The following TMEM106B variants were observed in gnomAD, a reference collection of about 807,000 sequenced individuals.
TMEM106B encodes the protein transmembrane protein 106B.
Under a neutral mutation model 31.1 loss-of-function variants are expected in TMEM106B, and 15 were observed. The ratio of observed to expected loss-of-function variants is 0.48; its 90% confidence interval spans 0.32 to 0.74. The LOEUF is 0.74. Among genes scored for constraint, TMEM106B ranks in the 30% least tolerant of loss-of-function variants. TMEM106B has a pLI of 0.03. For missense variants in TMEM106B, 283 were observed against 327.3 expected, an observed-to-expected ratio of 0.86 and a Z score of 1.04; for synonymous variants, 126 against 112.5, an observed-to-expected ratio of 1.12 and a Z score of -0.76.
chr7:12,228,615 A>G (rs186831968), intron 4 of TMEM106B, among the ~76,000 whole-genome samples: 23 of 151,994 alleles, frequency 1.5e-4, no homozygotes, highest in Admixed American at 3.9e-4. Flanking sequence ...TTTCTGTGGA[A>G]TCGGTGCTCA....
chr7:12,235,793 A>T lies in TMEM106B; in HGVS notation c.*3818A>T, dbSNP rs978039861. On this transcript the variant is annotated 3_prime_UTR_variant, in exon 8 of 8. Coordinates refer to ENST00000396668, the MANE Select transcript of TMEM106B (RefSeq NM_001134232.2). ...TAAATTTTTAAATTTACAAATACAT[A>T]TGGGTCTTTGATAAGCAATAGGAAT... is the stretch of plus-strand genomic sequence containing the variant. 6.6e-6 allele frequency: 1 copy of T among 151,842 alleles called. No homozygotes were observed. Among genetic ancestry groups the T allele is most frequent in the Non-Finnish European group, 1.5e-5 (1 of 67,820 alleles). 9.4% of individuals were successfully genotyped at this position (151,842 alleles called of 1,614,324 possible). A position where few individuals can be genotyped will look rare whatever the true frequency, so the allele number is the denominator to read the frequency against.
At chr7:12,215,125 C>T in intron 2 of TMEM106B, 98 bp downstream of exon 2, 1 of 949,786 alleles carries the variant, frequency 1.1e-6, no homozygotes, top group Non-Finnish European at 1.6e-6. Flanking sequence ...TTTTAGAGGA[C>T]TCTTAGAATT....
At chr7:12,229,646 A>T in intron 4 of TMEM106B, 33 bp from the exon 5 acceptor site, 1 of 1,501,962 alleles carries the variant, frequency 6.7e-7, no homozygotes, top group Non-Finnish European at 9.0e-7. Context: ...ATTTTTAGCT[A>T]ACTTGTAAAT....
rs1327994715 is a variant in TMEM106B, at chr7:12,234,462, C to G, written c.*2487C>G. Reference sequence around the variant, plus strand: ...AGTAACTGTCAGAATAAGCCTGGAACAAAACAGGCTGTAAATTAATAAAAC... The same window carrying G: ...AGTAACTGTCAGAATAAGCCTGGAAGAAAACAGGCTGTAAATTAATAAAAC... On this transcript the variant is annotated 3_prime_UTR_variant, in exon 8 of 8. Transcript: ENST00000396668. 1 of 151,766 alleles carries G rather than the reference C, an allele frequency of 6.6e-6. No individual in the cohort carries two copies. The highest frequency in any genetic ancestry group is 6.6e-5 in the Admixed American group (1 of 15,210). 9.4% of individuals were successfully genotyped at this position (151,766 alleles called of 1,614,324 possible). A position where few individuals can be genotyped will look rare whatever the true frequency, so the allele number is the denominator to read the frequency against.
chr7:12,219,269 C>A (rs913295395), intron 3 of TMEM106B, among the ~76,000 whole-genome samples: 2 of 152,112 alleles, frequency 1.3e-5, no homozygotes, highest in African/African-American at 4.8e-5. Flanking sequence ...GGGAGATCAT[C>A]TCAAAACTGT....
rs1239962744 is a variant in TMEM106B at position 12,238,860 on chromosome 7, C to T, written c.*6885C>T. ...TCCAGACTGTTCCATTTATTGAACACAGGCAGAGTAGGTAAAAGTTTTAAG... is the reference window on the plus strand; with the variant it reads ...TCCAGACTGTTCCATTTATTGAACATAGGCAGAGTAGGTAAAAGTTTTAAG... On this transcript the variant is annotated 3_prime_UTR_variant, in exon 8 of 8. Coordinates refer to ENST00000396668, the MANE Select transcript of TMEM106B (RefSeq NM_001134232.2). 1 of 152,042 alleles carries T rather than the reference C, an allele frequency of 6.6e-6. No individual in the cohort carries two copies. Among genetic ancestry groups the T allele is most frequent in the Non-Finnish European group, 1.5e-5 (1 of 68,000 alleles). 9.4% of individuals were successfully genotyped at this position (152,042 alleles called of 1,614,324 possible).
Position 12,237,915 on chromosome 7 carries a change from G to A in TMEM106B, c.*5940G>A, listed in dbSNP as rs141201831. The A allele has an allele frequency of 2.1e-3, 326 of 151,902 alleles. No individual in the cohort carries two copies. Among genetic ancestry groups the A allele is most frequent in the Middle Eastern group, 6.7e-3 (2 of 298 alleles). The allele number at this position is 151,902 out of a possible 1,614,324, so 9.4% of individuals were successfully genotyped here. On this transcript the variant is annotated 3_prime_UTR_variant, in exon 8 of 8. Transcript: ENST00000396668. ...TTCAGAAGTTTATACTCCTTTTGCCGGCACAGGATCTTGTCTGGATGTTGT... is the reference window on the plus strand; with the variant it reads ...TTCAGAAGTTTATACTCCTTTTGCCAGCACAGGATCTTGTCTGGATGTTGT...
At chr7:12,230,077 G>A (rs368646552) in intron 5 of TMEM106B, among the ~76,000 whole-genome samples, 2 of 152,004 alleles carry the variant, frequency 1.3e-5, no homozygotes, top group Non-Finnish European at 2.9e-5. Context: ...AATGTGCTGA[G>A]TGTGGTAGTG....
Position 12,238,672 on chromosome 7 carries a change from A to G in TMEM106B, c.*6697A>G, listed in dbSNP as rs1192136682. 6.6e-6 allele frequency: 1 copy of G among 152,208 alleles called. No homozygotes were observed. The highest frequency in any genetic ancestry group is 1.5e-5 in the Non-Finnish European group (1 of 68,028). The allele number at this position is 152,208 out of a possible 1,614,324, so 9.4% of individuals were successfully genotyped here. ...CAGAATGCACGTTGTGTTAAGAGGC[A>G]TGAAAACAACATTAATCTATTTGTA... On this transcript the variant is annotated 3_prime_UTR_variant, in exon 8 of 8. Coordinates refer to ENST00000396668, the MANE Select transcript of TMEM106B (RefSeq NM_001134232.2).
intron 2 of TMEM106B, among the ~76,000 whole-genome samples, chr7:12,216,740 A>C (rs998079479): frequency 6.6e-6 from 1 of 152,188 alleles, no homozygotes; most frequent in Non-Finnish European, 1.5e-5. Flanking sequence ...ATCATGGAAG[A>C]TAAGTGAAGA....
chr7:12,217,098 A>G (rs916823617), intron 2 of TMEM106B, among the ~76,000 whole-genome samples: 10 of 152,176 alleles, frequency 6.6e-5, no homozygotes, highest in African/African-American at 9.7e-5. Context: ...CTGTAGAGAA[A>G]ACATTGGTAA....
rs746684883 is a variant in TMEM106B, at chr7:12,231,123, C to T, written c.686+8C>T. On this transcript the variant is annotated splice_region_variant and intron_variant, in intron 7 of 7. Coordinates refer to ENST00000396668, the MANE Select transcript of TMEM106B (RefSeq NM_001134232.2). ...CATAGTACTCATGATGCAGTAAGTA[C>T]AAATCTTTTTTGAAAGAGATTTTGC... 1.9e-5 allele frequency: 31 copies of T among 1,591,126 alleles called. No individual in the cohort carries two copies. The highest frequency in any genetic ancestry group is 2.6e-5 in the Non-Finnish European group (30 of 1,166,030).
chr7:12,225,083 G>A (rs11983898), intron 4 of TMEM106B, among the ~76,000 whole-genome samples: 34,901 of 151,860 alleles, frequency 0.23, 4,116 homozygotes, highest in South Asian at 0.4. Flanking sequence ...TATTCTCATT[G>A]TTCAATTCCC....
Position 12,234,161 on chromosome 7 carries a change from A to AAAATT in TMEM106B, c.*2188_*2192dup, listed in dbSNP as rs1372984987. ...TCTTGCTTGTGTCTTTTAACCTTGG[A>AAAATT]AAATTACATCGTGTAAATTAAACAG... On this transcript the variant is annotated 3_prime_UTR_variant, in exon 8 of 8. Coordinates refer to ENST00000396668, the MANE Select transcript of TMEM106B (RefSeq NM_001134232.2). The AAAATT allele has an allele frequency of 6.6e-6, 1 of 151,844 alleles. No individual in the cohort carries two copies. The highest frequency in any genetic ancestry group is 1.5e-5 in the Non-Finnish European group (1 of 67,768). 9.4% of individuals were successfully genotyped at this position (151,844 alleles called of 1,614,324 possible). A position where few individuals can be genotyped will look rare whatever the true frequency, so the allele number is the denominator to read the frequency against.
Position 12,218,530 on chromosome 7 carries a change from TTC to T in TMEM106B, c.281+11_281+12del, listed in dbSNP as rs1256326480. ...TTAAGGCCAAGAAGAACGTAAGTGA[TTC>T]TAAGAATATGGCAGTGTTTTATGTT... On this transcript the variant is annotated intron_variant, in intron 3 of 7. Transcript: ENST00000396668. The T allele has an allele frequency of 6.2e-7, 1 of 1,605,710 alleles. No individual in the cohort carries two copies. The highest frequency in any genetic ancestry group is 1.7e-5 in the Admixed American group (1 of 59,242).
At chr7:12,221,806 G>A (rs1431701688) in intron 3 of TMEM106B, among the ~76,000 whole-genome samples, 1 of 152,168 alleles carries the variant, frequency 6.6e-6, no homozygotes, top group Non-Finnish European at 1.5e-5. Context: ...AGTACCAGAA[G>A]GTAGAGAGCT....
intron 3 of TMEM106B, among the ~76,000 whole-genome samples, chr7:12,220,960 C>T (rs1781773785): frequency 6.6e-6 from 1 of 151,886 alleles, no homozygotes; most frequent in Admixed American, 6.6e-5. Context: ...TTGAAAACAC[C>T]ACACACTCAA....
intron 4 of TMEM106B, among the ~76,000 whole-genome samples, chr7:12,224,988 G>A (rs1781870656): frequency 6.6e-6 from 1 of 151,874 alleles, no homozygotes; most frequent in Non-Finnish European, 1.5e-5. Flanking sequence ...ATTTACTTTA[G>A]GTATTTCTCC....
intron 1 of TMEM106B, among the ~76,000 whole-genome samples, chr7:12,212,850 T>A (rs905225913): frequency 1.3e-5 from 2 of 152,358 alleles, no homozygotes; most frequent in South Asian, 4.1e-4. Context: ...TTTAATCAAA[T>A]AAGTGAGAAT....
Sources: allele counts gnomAD v4.1 joint callset (sites outside exome capture counted in the v4.1 genomes callset), GRCh38; gene constraint gnomAD v4.1.1; transcripts MANE v1.5; gene names NCBI Gene and HGNC (gene_info 2026-07-23, HGNC 2026-07-21).